RPGRIP1L: variants seen among roughly 807,000 people sequenced by gnomAD.
RPGRIP1L encodes the protein RPGRIP1 like.
A neutral mutation model predicts 160.4 loss-of-function variants in RPGRIP1L; 131 were observed. The ratio of observed to expected loss-of-function variants is 0.82; its 90% CI spans 0.71 to 0.94. The LOEUF is 0.94. Among genes scored for constraint, RPGRIP1L ranks in the 40% least tolerant of loss-of-function variants. The pLI is 0.00. For missense variants in RPGRIP1L, 1,522 were observed against 1,535.8 expected (o/e 0.99, Z 0.15); for synonymous variants, 510 against 515.8 (o/e 0.99, Z 0.15).
intron 25 of RPGRIP1L, 79 bp downstream of exon 25, chr16:53,610,888 G>T: frequency 8.7e-7 from 1 of 1,153,072 alleles, no homozygotes; most frequent in Non-Finnish European, 1.3e-6. Context: ...CTCATCTTGT[G>T]CCTTTTATTT....
At position 53,600,094 on chromosome 16, in the gene RPGRIP1L, A is replaced by G. The variant is rs1963314876; in HGVS notation, c.*1982T>C. On this transcript the variant is annotated 3_prime_UTR_variant, in exon 27 of 27. Transcript: ENST00000647211. ...GCAATCTGGTTCTTCTCCCTGCAGA[A>G]GGGTTATTTAGTTTGGGATGTAACA... 1 of 152,528 alleles carries G rather than the reference A, an allele frequency of 6.6e-6. No homozygotes were observed. Among genetic ancestry groups the G allele is most frequent in the African/African-American group, 2.4e-5 (1 of 41,438 alleles). The allele number at this position is 152,528 out of a possible 1,614,324, so 9.4% of individuals were successfully genotyped here.
intron 6 of RPGRIP1L, 139 bp downstream of exon 6, chr16:53,686,294 A>G: frequency 1.1e-6 from 1 of 944,150 alleles, no homozygotes; most frequent in Admixed American, 2.2e-5. Context: ...TAGTAGGTCG[A>G]GCATAGGCTT....
intron 25 of RPGRIP1L, among the ~76,000 whole-genome samples, chr16:53,608,246 C>T (rs946804873): frequency 2.2e-4 from 34 of 152,232 alleles, no homozygotes; most frequent in African/African-American, 8.2e-4. Flanking sequence ...TCCTCTTATC[C>T]TTCATGAACC....
chr16:53,681,089 G>A (rs939208325), intron 6 of RPGRIP1L, among the ~76,000 whole-genome samples: 1 of 152,198 alleles, frequency 6.6e-6, no homozygotes, highest in South Asian at 2.1e-4. Flanking sequence ...AAGTAATCTT[G>A]TATCTGTGCA....
At chr16:53,662,386 A>G (rs555526149) in intron 10 of RPGRIP1L, among the ~76,000 whole-genome samples, 4 of 152,120 alleles carry the variant, frequency 2.6e-5, no homozygotes, top group African/African-American at 9.7e-5. Context: ...TCCTTCCCCC[A>G]CATATTCACA....
intron 14 of RPGRIP1L, among the ~76,000 whole-genome samples, chr16:53,656,257 T>C (rs1260100311): frequency 6.6e-6 from 1 of 151,916 alleles, no homozygotes; most frequent in Non-Finnish European, 1.5e-5. Context: ...CCCAGGAGTT[T>C]GAGATGAGCC....
chr16:53,640,122 G>T (rs1966111985), intron 19 of RPGRIP1L, among the ~76,000 whole-genome samples: 1 of 152,198 alleles, frequency 6.6e-6, no homozygotes, highest in Non-Finnish European at 1.5e-5. Context: ...TGACCTGGGT[G>T]TAGGGGTGAG....
chr16:53,605,477 A>G lies in RPGRIP1L; in HGVS notation c.3835+4T>C, dbSNP rs1278197510. 6.2e-7 allele frequency: 1 copy of G among 1,614,052 alleles called. No individual in the cohort carries two copies. Among genetic ancestry groups the G allele is most frequent in the East Asian group, 2.2e-5 (1 of 44,900 alleles). ...CACAAACTGAGCAACACTTTCACCCATACCATCGATATTTTGCTCAATGAG... is the reference window on the plus strand; with the variant it reads ...CACAAACTGAGCAACACTTTCACCCGTACCATCGATATTTTGCTCAATGAG... On this transcript the variant is annotated splice_donor_region_variant and intron_variant, in intron 26 of 26. Transcript: ENST00000647211.
Position 53,674,917 on chromosome 16 carries a change from C to G in RPGRIP1L, c.882+100G>C, listed in dbSNP as rs1005998053. On this transcript the variant is annotated intron_variant, in intron 7 of 26. Transcript: ENST00000647211. ...AAGAACAATCCTTCAAAATTATGTT[C>G]TAGTGTTATGATAATTCCATGTTAA... 7 of 732,736 alleles carry G rather than the reference C, an allele frequency of 9.6e-6. 1 individual carries two copies. Among genetic ancestry groups the G allele is most frequent in the Admixed American group, 6.2e-5 (3 of 48,588 alleles). The allele number at this position is 732,736 out of a possible 1,614,324, so 45.4% of individuals were successfully genotyped here. A position where few individuals can be genotyped will look rare whatever the true frequency, so the allele number is the denominator to read the frequency against.
At chr16:53,678,432 T>A (rs1336646509) in intron 6 of RPGRIP1L, among the ~76,000 whole-genome samples, 1 of 152,156 alleles carries the variant, frequency 6.6e-6, no homozygotes. Context: ...TCAGATACAC[T>A]GGAGAAGTAA....
Position 53,599,197 on chromosome 16 carries a change from T to C in RPGRIP1L, c.*2879A>G, listed in dbSNP as rs1963283049. 1 of 152,246 alleles carries C rather than the reference T, an allele frequency of 6.6e-6. No individual in the cohort carries two copies. The highest frequency in any genetic ancestry group is 1.5e-5 in the Non-Finnish European group (1 of 68,046). 9.4% of individuals were successfully genotyped at this position (152,246 alleles called of 1,614,324 possible). ...CTTCATAACACATAGAAATTATTTGTGTTTTGTGGTAACGAATGAATGGCA... is the reference window on the plus strand; with the variant it reads ...CTTCATAACACATAGAAATTATTTGCGTTTTGTGGTAACGAATGAATGGCA... On this transcript the variant is annotated 3_prime_UTR_variant, in exon 27 of 27. Transcript: ENST00000647211.
rs906909679 is a variant in RPGRIP1L at position 53,641,194 on chromosome 16, AT to A, written c.2875-79del. The A allele has an allele frequency of 1.1e-3, 1,600 of 1,435,502 alleles. 3 individuals are homozygous for A. Among genetic ancestry groups the A allele is most frequent in the Non-Finnish European group, 9.7e-4 (1,003 of 1,033,356 alleles). 88.9% of individuals were successfully genotyped at this position (1,435,502 alleles called of 1,614,324 possible). On this transcript the variant is annotated intron_variant, in intron 18 of 26. Transcript: ENST00000647211. ...AGATAAGACTTTAGCTATTATTATTATTTTTTTTTGGTGGGGGTGGCAGCTT... is the reference window on the plus strand; with the variant it reads ...AGATAAGACTTTAGCTATTATTATTATTTTTTTTGGTGGGGGTGGCAGCTT...
At chr16:53,684,860 A>G (rs1969881570) in intron 6 of RPGRIP1L, among the ~76,000 whole-genome samples, 1 of 152,158 alleles carries the variant, frequency 6.6e-6, no homozygotes, top group Non-Finnish European at 1.5e-5. Context: ...AAATTGACAA[A>G]TGGGATCTAA....
At chr16:53,661,086 G>A (rs532656086) in intron 10 of RPGRIP1L, among the ~76,000 whole-genome samples, 2 of 151,522 alleles carry the variant, frequency 1.3e-5, no homozygotes, top group African/African-American at 4.8e-5. Context: ...ATGAGGTCAG[G>A]AGTTCAAGAC....
At position 53,610,996 on chromosome 16, in the gene RPGRIP1L, T is replaced by C. The variant is rs1004217716; in HGVS notation, c.3672A>G (p.Ile1224Met). The C allele has an allele frequency of 6.8e-6, 11 of 1,612,790 alleles. No individual in the cohort carries two copies. Among genetic ancestry groups the C allele is most frequent in the East Asian group, 2.2e-5 (1 of 44,862 alleles). ...NKAKRDILKA[I>M]LQKQEMPNRS... ...TATTAGGCATCTCTTGTTTTTGTAG[T>C]ATAGCTTTTAAGATGTCTCTCTTTG... Residue 1224 changes from isoleucine to methionine, a missense_variant, in exon 25 of 27, where the codon ATA becomes ATG. Coordinates refer to ENST00000647211, the MANE Select transcript of RPGRIP1L (RefSeq NM_015272.5).
In RPGRIP1L at chr16:53,598,489, G is replaced by GGCAC. The variant is rs1267047854; in HGVS notation, c.*3583_*3586dup. The GGCAC allele has an allele frequency of 1.3e-5, 2 of 152,154 alleles. No homozygotes were observed. The highest frequency in any genetic ancestry group is 6.6e-5 in the Admixed American group (1 of 15,264). 9.4% of individuals were successfully genotyped at this position (152,154 alleles called of 1,614,324 possible). On this transcript the variant is annotated 3_prime_UTR_variant, in exon 27 of 27. Transcript: ENST00000647211. ...AGGCTGGAGGGTGCAGTCCACTGGT[G>GGCAC]GCACTTTGAAATGGAAGTGAAAATT...
At chr16:53,656,030 G>A (rs1967226992) in intron 14 of RPGRIP1L, among the ~76,000 whole-genome samples, 1 of 152,218 alleles carries the variant, frequency 6.6e-6, no homozygotes, top group Non-Finnish European at 1.5e-5. Context: ...TTTGGCTGAG[G>A]TGCACAGGTT....
chr16:53,698,738 G>A (rs1206489418), intron 2 of RPGRIP1L, among the ~76,000 whole-genome samples: 2 of 148,464 alleles, frequency 1.3e-5, no homozygotes, highest in Non-Finnish European at 3.0e-5. Context: ...CACCCCGCCC[G>A]GCCAGCCGCC....
intron 24 of RPGRIP1L, among the ~76,000 whole-genome samples, chr16:53,613,963 C>T (rs957944503): frequency 2.6e-5 from 4 of 152,180 alleles, no homozygotes; most frequent in Non-Finnish European, 4.4e-5. Context: ...CAAGAGTCTG[C>T]TCTCTTAACC....
Sources: allele counts gnomAD v4.1 joint callset (sites outside exome capture counted in the v4.1 genomes callset), GRCh38; gene constraint gnomAD v4.1.1; transcripts MANE v1.5; gene names NCBI Gene and HGNC (gene_info 2026-07-23, HGNC 2026-07-21).